CERS6: variants seen among roughly 807,000 people sequenced by gnomAD.
CERS6 encodes the protein LAG1 homolog, ceramide synthase 6.
CERS6 carries 26 observed loss-of-function variants against 56.8 expected under a neutral mutation model. That is an observed-to-expected ratio of 0.46 (90% CI 0.34 to 0.63). The LOEUF is 0.63. CERS6 is among the 30% of genes least tolerant of loss of function. The pLI is 0.01. For synonymous variants in CERS6, 164 were observed against 173.3 expected (o/e 0.95, Z 0.42); for missense variants, 415 against 467.5 (o/e 0.89, Z 1.04).
chr2:168,650,224 G>A (rs1685310390), intron 4 of CERS6, among the ~76,000 whole-genome samples: 1 of 152,086 alleles, frequency 6.6e-6, no homozygotes, highest in South Asian at 2.1e-4. Flanking sequence ...GGTATATCCT[G>A]TTTTTTCTTT....
chr2:168,589,635 A>AT (rs1192009725), intron 3 of CERS6, among the ~76,000 whole-genome samples: 1 of 152,078 alleles, frequency 6.6e-6, no homozygotes, highest in Non-Finnish European at 1.5e-5. Context: ...TTTCACATGT[A>AT]TTTTTTTAAA....
chr2:168,714,693 G>A (rs1687183574), intron 6 of CERS6, among the ~76,000 whole-genome samples: 1 of 152,190 alleles, frequency 6.6e-6, no homozygotes, highest in Non-Finnish European at 1.5e-5. Context: ...TGACCCTAAA[G>A]AAGTGCTTTG....
At chr2:168,490,858 C>T (rs1425905141) in intron 1 of CERS6, among the ~76,000 whole-genome samples, 1 of 152,202 alleles carries the variant, frequency 6.6e-6, no homozygotes, top group Non-Finnish European at 1.5e-5. Flanking sequence ...ATAATGTCAA[C>T]AGACCTTCCC....
intron 4 of CERS6, among the ~76,000 whole-genome samples, chr2:168,666,671 G>A (rs1419615103): frequency 6.6e-6 from 1 of 152,196 alleles, no homozygotes; most frequent in African/African-American, 2.4e-5. Context: ...TGATTGCTAG[G>A]TCAAACAATA....
At chr2:168,589,810 G>A (rs1018070663) in intron 3 of CERS6, among the ~76,000 whole-genome samples, 1 of 152,034 alleles carries the variant, frequency 6.6e-6, no homozygotes, top group East Asian at 1.9e-4. Flanking sequence ...TTGCTTTATT[G>A]GTATAACCAT....
intron 3 of CERS6, among the ~76,000 whole-genome samples, chr2:168,613,986 A>G (rs1460614022): frequency 6.6e-6 from 1 of 152,220 alleles, no homozygotes; most frequent in Non-Finnish European, 1.5e-5. Context: ...CATTGTGTGC[A>G]TTGTAATGGG....
intron 5 of CERS6, among the ~76,000 whole-genome samples, chr2:168,694,246 G>C (rs1686579670): frequency 6.6e-6 from 1 of 152,044 alleles, no homozygotes; most frequent in East Asian, 1.9e-4. Context: ...CTGCCTCTCT[G>C]AGCCTCCCCC....
At chr2:168,616,524 G>A (rs776412131) in intron 3 of CERS6, among the ~76,000 whole-genome samples, 1 of 152,070 alleles carries the variant, frequency 6.6e-6, no homozygotes, top group Non-Finnish European at 1.5e-5. Context: ...ATAAACTTAA[G>A]GTAAAGGAGT....
intron 3 of CERS6, among the ~76,000 whole-genome samples, chr2:168,614,414 T>G (rs1319350964): frequency 6.6e-6 from 1 of 152,214 alleles, no homozygotes; most frequent in African/African-American, 2.4e-5. Flanking sequence ...GTGACTGGTA[T>G]GTCAGGGCAA....
intron 6 of CERS6, among the ~76,000 whole-genome samples, chr2:168,698,717 T>G (rs1318911689): frequency 6.6e-6 from 1 of 152,136 alleles, no homozygotes; most frequent in Non-Finnish European, 1.5e-5. Flanking sequence ...GTAGGTGAAT[T>G]ATTTTGGGGG....
chr2:168,488,093 C>A (rs555522253), intron 1 of CERS6, among the ~76,000 whole-genome samples: 2 of 152,216 alleles, frequency 1.3e-5, no homozygotes, highest in South Asian at 4.1e-4. Flanking sequence ...GAATTTAGCA[C>A]CTTTGTCAAA....
At chr2:168,675,356 A>G (rs1164552216) in intron 4 of CERS6, among the ~76,000 whole-genome samples, 1 of 152,136 alleles carries the variant, frequency 6.6e-6, no homozygotes, top group African/African-American at 2.4e-5. Flanking sequence ...AGGCCGAGGC[A>G]GTTAAATCAT....
intron 1 of CERS6, among the ~76,000 whole-genome samples, chr2:168,512,515 GTCATCATAA>G (rs1326925686): frequency 2.0e-4 from 31 of 151,784 alleles, no homozygotes; most frequent in African/African-American, 7.0e-4. Context: ...TGACATTTCA[GTCATCATAA>G]TCTTTTTTAA....
chr2:168,554,214 A>G (rs1695635323), intron 2 of CERS6, among the ~76,000 whole-genome samples: 1 of 152,066 alleles, frequency 6.6e-6, no homozygotes, highest in Non-Finnish European at 1.5e-5. Context: ...GGAAAGTAGA[A>G]CATAATTAGA....
chr2:168,638,864 T>G (rs1684923671), intron 4 of CERS6, among the ~76,000 whole-genome samples: 1 of 152,160 alleles, frequency 6.6e-6, no homozygotes, highest in African/African-American at 2.4e-5. Context: ...AGTATAGATT[T>G]TTGGGGAAGA....
intron 4 of CERS6, among the ~76,000 whole-genome samples, chr2:168,663,787 A>G (rs10183936): frequency 4.6e-5 from 7 of 152,008 alleles, no homozygotes; most frequent in African/African-American, 1.5e-4. Context: ...AAATCTCTAA[A>G]TTTTTCTTCA....
At chr2:168,698,973 T>C (rs570228101) in intron 6 of CERS6, among the ~76,000 whole-genome samples, 2 of 152,332 alleles carry the variant, frequency 1.3e-5, no homozygotes, top group Admixed American at 6.5e-5. Flanking sequence ...GGTTTATTCT[T>C]GTTTCTTGCA....
Position 168,630,997 on chromosome 2 carries a change from AT to A in CERS6, c.424del (p.Tyr142ThrfsTer12). 1 of 1,524,778 alleles carries A rather than the reference AT, an allele frequency of 6.6e-7. No homozygotes were observed. The highest frequency in any genetic ancestry group is 8.9e-7 in the Non-Finnish European group (1 of 1,117,472). 94.5% of individuals were successfully genotyped at this position (1,524,778 alleles called of 1,614,324 possible). On this transcript the variant is annotated frameshift_variant, in exon 4 of 10. Coordinates refer to ENST00000305747, the MANE Select transcript of CERS6 (RefSeq NM_203463.3). LOFTEE classifies it high-confidence loss of function. ...TAACCTTCTACAGGTGGAGATTTTCATTTTACCTTTATGTATTTACCTACGG... is the reference window on the plus strand; with the variant it reads ...TAACCTTCTACAGGTGGAGATTTTCATTTACCTTTATGTATTTACCTACGG... ...RFCESMWRFS[F>X]YLYVFTYGVR...
At chr2:168,628,412 TC>T (rs1210166905) in intron 3 of CERS6, among the ~76,000 whole-genome samples, 8 of 152,222 alleles carry the variant, frequency 5.3e-5, no homozygotes, top group African/African-American at 1.9e-4. Context: ...AGTGAAAGTT[TC>T]ATATAAAGCA....
Sources: gnomAD v4.1 joint callset for allele counts (sites outside exome capture counted in the v4.1 genomes callset) on GRCh38, gnomAD v4.1.1 for gene constraint, MANE v1.5 for transcripts, NCBI Gene and HGNC (gene_info 2026-07-23, HGNC 2026-07-21) for gene names.